The following NAALADL2 variants were observed in gnomAD, a reference collection of about 807,000 sequenced individuals.
NAALADL2 encodes N-acetylated alpha-linked acidic dipeptidase like 2, also known as inactive N-acetylated-alpha-linked acidic dipeptidase-like protein 2.
In NAALADL2, 76 loss-of-function variants were observed where a neutral mutation model predicts 87.2. That is an observed-to-expected ratio of 0.87 (90% CI 0.72 to 1.05). NAALADL2 has a LOEUF of 1.05. Ranked by LOEUF, NAALADL2 falls within the 50% of genes least tolerant of loss-of-function variation. NAALADL2 has a pLI of 0.00. For missense variants in NAALADL2, 1,089 were observed against 945.8 expected (o/e 1.15, Z -1.99); for synonymous variants, 354 against 331.0 (o/e 1.07, Z -0.75).
chr3:174,666,859 C>A (rs1447778), intron 2 of NAALADL2, among the ~76,000 whole-genome samples: 7,133 of 152,204 alleles, frequency 0.047, 566 homozygotes, highest in African/African-American at 0.16. Context: ...CCAGCCCCTG[C>A]AAACCACCAT....
chr3:174,835,205 A>G (rs1723186812), intron 3 of NAALADL2, among the ~76,000 whole-genome samples: 1 of 152,078 alleles, frequency 6.6e-6, no homozygotes, highest in South Asian at 2.1e-4. Context: ...TGCTAGAACT[A>G]TTGGATATCC....
At chr3:175,736,128 T>C (rs982422254) in intron 11 of NAALADL2, among the ~76,000 whole-genome samples, 1 of 152,082 alleles carries the variant, frequency 6.6e-6, no homozygotes, top group African/African-American at 2.4e-5. Flanking sequence ...TAAGGTCCTT[T>C]GAGATGTGTA....
intron 5 of NAALADL2, among the ~76,000 whole-genome samples, chr3:175,351,467 ATT>A (rs5854625): frequency 1.3e-5 from 2 of 151,214 alleles, no homozygotes; most frequent in Non-Finnish European, 2.9e-5. Context: ...TTTCCAAATA[ATT>A]TTTTTTTGCT....
At chr3:174,491,458 T>G (rs527507706) in intron 1 of NAALADL2, among the ~76,000 whole-genome samples, 14 of 152,338 alleles carry the variant, frequency 9.2e-5, no homozygotes, top group African/African-American at 3.1e-4. Flanking sequence ...GTATTTTATA[T>G]TGATAGTACT....
chr3:175,575,865 T>G (rs1330643981), intron 9 of NAALADL2, among the ~76,000 whole-genome samples, 176 bp from the exon 10 acceptor site: 1 of 152,180 alleles, frequency 6.6e-6, no homozygotes, highest in Non-Finnish European at 1.5e-5. Context: ...CAATGCAGAT[T>G]CCTGGGCTCT....
intron 4 of NAALADL2, 62 bp downstream of exon 4, chr3:175,256,592 A>T: frequency 6.5e-7 from 1 of 1,548,296 alleles, no homozygotes; most frequent in Non-Finnish European, 8.8e-7. Flanking sequence ...TGTTGGAATT[A>T]TATGCTTTTG....
chr3:174,766,677 C>A (rs1158564111), intron 3 of NAALADL2, among the ~76,000 whole-genome samples: 1 of 152,012 alleles, frequency 6.6e-6, no homozygotes. Flanking sequence ...GAATTGGAAT[C>A]TTTTTATCTG....
intron 1 of NAALADL2, among the ~76,000 whole-genome samples, chr3:174,949,361 G>T (rs766092184): frequency 1.3e-5 from 2 of 152,024 alleles, no homozygotes; most frequent in Non-Finnish European, 2.9e-5. Context: ...TATCACTTCT[G>T]CCATGGTTGC....
intron 2 of NAALADL2, among the ~76,000 whole-genome samples, chr3:175,132,759 G>A (rs540683981): frequency 1.2e-3 from 174 of 147,830 alleles, no homozygotes; most frequent in African/African-American, 4.1e-3. Flanking sequence ...CTCACCTCCC[G>A]GACAGGGCGG....
intron 13 of NAALADL2, among the ~76,000 whole-genome samples, chr3:175,756,816 A>G (rs953460760): frequency 6.6e-6 from 1 of 152,052 alleles, no homozygotes; most frequent in African/African-American, 2.4e-5. Flanking sequence ...CAAATTTTAG[A>G]AAAAGATTAT....
chr3:175,613,970 T>C (rs1159354425), intron 10 of NAALADL2, among the ~76,000 whole-genome samples: 5 of 152,198 alleles, frequency 3.3e-5, no homozygotes, highest in Admixed American at 2.6e-4. Flanking sequence ...GGTAAACATA[T>C]ACCTTTTACA....
intron 1 of NAALADL2, among the ~76,000 whole-genome samples, chr3:174,894,304 A>G (rs1731223250): frequency 6.6e-6 from 1 of 152,062 alleles, no homozygotes; most frequent in African/African-American, 2.4e-5. Flanking sequence ...CCAGATAGAA[A>G]ATCAGGCCGG....
chr3:175,537,518 A>G (rs778346811), intron 9 of NAALADL2, among the ~76,000 whole-genome samples: 21 of 152,214 alleles, frequency 1.4e-4, no homozygotes, highest in Non-Finnish European at 3.1e-4. Context: ...TACAAATAGC[A>G]ACATTAATTA....
chr3:175,574,747 A>T (rs1463236678), intron 9 of NAALADL2, among the ~76,000 whole-genome samples: 2 of 152,104 alleles, frequency 1.3e-5, no homozygotes, highest in African/African-American at 4.8e-5. Context: ...GTCTGATTTT[A>T]TAGTTTTATT....
chr3:174,614,126 T>G (rs192596084), intron 2 of NAALADL2, among the ~76,000 whole-genome samples: 1 of 152,062 alleles, frequency 6.6e-6, no homozygotes, highest in Non-Finnish European at 1.5e-5. Flanking sequence ...TTTTTTAGAG[T>G]TGTGAGCAGT....
chr3:174,562,451 A>C (rs1013948228), intron 2 of NAALADL2, among the ~76,000 whole-genome samples: 1 of 152,188 alleles, frequency 6.6e-6, no homozygotes, highest in Non-Finnish European at 1.5e-5. Flanking sequence ...TGTGAAAAAT[A>C]AGAAAAATTT....
At chr3:174,819,055 A>ATTTTTTTTTTTTTTT (rs1443066755) in intron 3 of NAALADL2, among the ~76,000 whole-genome samples, 1 of 51,802 alleles carries the variant, frequency 1.9e-5, no homozygotes. Flanking sequence ...TATACCATTT[A>ATTTTTTTTTTTTTTT]TTCTTTTTTT....
chr3:175,340,503 G>T (rs1762460515), intron 5 of NAALADL2, among the ~76,000 whole-genome samples: 1 of 152,158 alleles, frequency 6.6e-6, no homozygotes, highest in Non-Finnish European at 1.5e-5. Flanking sequence ...CTCTACTAGA[G>T]GAATGTCTAT....
chr3:174,451,357 T>A (rs1715467335), intron 1 of NAALADL2, among the ~76,000 whole-genome samples: 1 of 152,254 alleles, frequency 6.6e-6, no homozygotes, highest in African/African-American at 2.4e-5. Flanking sequence ...AGGTGGCTGT[T>A]CTTTTAGTTG....
Sources: gnomAD v4.1 joint callset for allele counts (sites outside exome capture counted in the v4.1 genomes callset) on GRCh38, gnomAD v4.1.1 for gene constraint, MANE v1.5 for transcripts, NCBI Gene and HGNC (gene_info 2026-07-23, HGNC 2026-07-21) for gene names.